Variants in ZMAT4 observed in about 807,000 individuals in gnomAD.
ZMAT4 encodes the protein zinc finger matrin-type protein 4.
ZMAT4 carries 17 observed loss-of-function variants against 28.7 expected under a neutral mutation model. The ratio of observed to expected loss-of-function variants is 0.59; its 90% confidence interval spans 0.41 to 0.89. The LOEUF is 0.89. Ranked by LOEUF, ZMAT4 falls within the 40% of genes least tolerant of loss-of-function variation. The pLI, the probability that ZMAT4 is intolerant of heterozygous loss-of-function variation, is 0.00. For synonymous variants in ZMAT4, 117 were observed against 109.2 expected, an observed-to-expected ratio of 1.07 and a Z score of -0.44; for missense variants, 240 against 283.8, an observed-to-expected ratio of 0.85 and a Z score of 1.11.
intron 5 of ZMAT4, among the ~76,000 whole-genome samples, chr8:40,604,463 A>G (rs2118631995): frequency 6.6e-6 from 1 of 152,272 alleles, no homozygotes; most frequent in South Asian, 2.1e-4. Context: ...CTTTTTCTGT[A>G]TCTATTGAGA....
chr8:40,824,706 A>AG (rs1815964299), intron 2 of ZMAT4, among the ~76,000 whole-genome samples: 1 of 148,676 alleles, frequency 6.7e-6, no homozygotes, highest in Non-Finnish European at 1.5e-5. Context: ...AAAGAAAGAA[A>AG]AGAAAGAATG....
chr8:40,536,851 A>G (rs1802861737), intron 6 of ZMAT4, among the ~76,000 whole-genome samples: 1 of 152,068 alleles, frequency 6.6e-6, no homozygotes, highest in Non-Finnish European at 1.5e-5. Flanking sequence ...CAAGGGGCAC[A>G]AGGTGTCTTG....
intron 1 of ZMAT4, among the ~76,000 whole-genome samples, chr8:40,833,630 G>A (rs146205732): frequency 1.1e-3 from 159 of 151,256 alleles, no homozygotes; most frequent in African/African-American, 3.4e-3. Flanking sequence ...AGGGTGCAGC[G>A]CAGGGGAAGA....
At chr8:40,831,240 T>C (rs750709943) in intron 1 of ZMAT4, among the ~76,000 whole-genome samples, 4 of 152,172 alleles carry the variant, frequency 2.6e-5, no homozygotes, top group Non-Finnish European at 5.9e-5. Flanking sequence ...AACTCAGGCC[T>C]GTGAAGACCC....
chr8:40,762,812 A>C (rs1812993316), intron 3 of ZMAT4, among the ~76,000 whole-genome samples: 1 of 152,152 alleles, frequency 6.6e-6, no homozygotes, highest in South Asian at 2.1e-4. Flanking sequence ...TCAATTTCAC[A>C]CTTATAGCCA....
intron 3 of ZMAT4, among the ~76,000 whole-genome samples, chr8:40,739,392 A>C (rs1811907948): frequency 6.6e-6 from 1 of 152,194 alleles, no homozygotes; most frequent in South Asian, 2.1e-4. Flanking sequence ...ACCCCTTTTC[A>C]AAATAACATA....
intron 1 of ZMAT4, among the ~76,000 whole-genome samples, chr8:40,892,926 C>A (rs1818745813): frequency 6.6e-6 from 1 of 152,196 alleles, no homozygotes; most frequent in Non-Finnish European, 1.5e-5. Flanking sequence ...GTGGCTCCTG[C>A]CTCAGCTAAA....
chr8:40,532,150 G>A lies in ZMAT4; in HGVS notation c.*73C>T. On this transcript the variant is annotated 3_prime_UTR_variant, in exon 7 of 7. Transcript: ENST00000297737. ...ATTGTTCAAGAAAGAAGCCTCCTCTGGTGGTTGATAAGCAATTCTCCACGG... is the reference window on the plus strand; with the variant it reads ...ATTGTTCAAGAAAGAAGCCTCCTCTAGTGGTTGATAAGCAATTCTCCACGG... 2 of 1,429,998 alleles carry A rather than the reference G, an allele frequency of 1.4e-6. No homozygotes were observed. Among genetic ancestry groups the A allele is most frequent in the South Asian group, 1.5e-5 (1 of 68,152 alleles). The allele number at this position is 1,429,998 out of a possible 1,614,324, so 88.6% of individuals were successfully genotyped here. A position where few individuals can be genotyped will look rare whatever the true frequency, so the allele number is the denominator to read the frequency against.
At chr8:40,568,951 C>G (rs577517623) in intron 6 of ZMAT4, among the ~76,000 whole-genome samples, 1 of 152,252 alleles carries the variant, frequency 6.6e-6, no homozygotes, top group South Asian at 2.1e-4. Flanking sequence ...CTTGTTGCAT[C>G]CCCTCAACTA....
intron 2 of ZMAT4, among the ~76,000 whole-genome samples, chr8:40,797,491 C>T (rs1814648017): frequency 6.6e-6 from 1 of 152,186 alleles, no homozygotes; most frequent in African/African-American, 2.4e-5. Flanking sequence ...TGTCACCTGT[C>T]CTTTAACCTC....
intron 2 of ZMAT4, among the ~76,000 whole-genome samples, chr8:40,791,794 C>T (rs1230375330): frequency 6.6e-6 from 1 of 152,184 alleles, no homozygotes; most frequent in Non-Finnish European, 1.5e-5. Context: ...GAAATCGAAG[C>T]TCTCCCTTAT....
intron 5 of ZMAT4, among the ~76,000 whole-genome samples, chr8:40,661,573 C>T (rs1388623302): frequency 6.6e-6 from 1 of 152,174 alleles, no homozygotes; most frequent in African/African-American, 2.4e-5. Context: ...AAATAAAAGA[C>T]ACTTAAGGCT....
intron 5 of ZMAT4, among the ~76,000 whole-genome samples, chr8:40,626,999 C>T (rs892572950): frequency 6.6e-5 from 10 of 152,182 alleles, no homozygotes; most frequent in South Asian, 2.1e-4. Flanking sequence ...GAATGATCCA[C>T]GCCCTTTATG....
intron 4 of ZMAT4, among the ~76,000 whole-genome samples, chr8:40,676,626 A>G (rs1467252264): frequency 3.9e-5 from 6 of 152,196 alleles, no homozygotes. Context: ...ATACTTGTTA[A>G]GTGACATTTT....
At chr8:40,773,466 G>T (rs530558550) in intron 2 of ZMAT4, among the ~76,000 whole-genome samples, 22 of 152,076 alleles carry the variant, frequency 1.4e-4, no homozygotes, top group South Asian at 1.0e-3. Context: ...AAACATGGCT[G>T]GCTTTAATAA....
intron 2 of ZMAT4, among the ~76,000 whole-genome samples, chr8:40,777,187 G>A (rs1813634349): frequency 6.6e-6 from 1 of 152,152 alleles, no homozygotes; most frequent in African/African-American, 2.4e-5. Context: ...TTAAAAACAA[G>A]ATATTACAAA....
intron 1 of ZMAT4, among the ~76,000 whole-genome samples, chr8:40,877,578 T>C (rs1176129273): frequency 6.6e-6 from 1 of 152,192 alleles, no homozygotes; most frequent in Non-Finnish European, 1.5e-5. Context: ...GCTTTTTAAC[T>C]CCTTTTTTAT....
intron 3 of ZMAT4, among the ~76,000 whole-genome samples, chr8:40,754,925 A>G (rs1412502190): frequency 6.6e-6 from 1 of 152,166 alleles, no homozygotes; most frequent in Non-Finnish European, 1.5e-5. Flanking sequence ...TTGGAGACTC[A>G]GGTGGGAGGA....
chr8:40,624,208 G>A (rs1172383946), intron 5 of ZMAT4, among the ~76,000 whole-genome samples: 1 of 152,158 alleles, frequency 6.6e-6, no homozygotes, highest in Non-Finnish European at 1.5e-5. Flanking sequence ...AGATCGCAAG[G>A]GTAGAGCTTC....
Sources: gnomAD v4.1 joint callset for allele counts (sites outside exome capture counted in the v4.1 genomes callset) on GRCh38, gnomAD v4.1.1 for gene constraint, MANE v1.5 for transcripts, NCBI Gene and HGNC (gene_info 2026-07-23, HGNC 2026-07-21) for gene names.